Variants in AHR observed in about 807,000 individuals in gnomAD.
The protein encoded by AHR is AH-receptor.
Under a neutral mutation model 86.8 loss-of-function variants are expected in AHR, and 40 were observed. The ratio of observed to expected loss-of-function variants is 0.46; its 90% CI spans 0.36 to 0.60. The LOEUF (loss-of-function observed/expected upper bound fraction) is 0.60, where lower values mean the gene tolerates loss of function less well. Among genes scored for constraint, AHR ranks in the 20% least tolerant of loss-of-function variants. The pLI, the probability that AHR is intolerant of heterozygous loss-of-function variation, is 0.00. For synonymous variants in AHR, 398 were observed against 354.9 expected (o/e 1.12, Z -1.37); for missense variants, 1,001 against 1,011.6 (o/e 0.99, Z 0.14).
At chr7:17,326,317 T>C (rs1374915814) in intron 3 of AHR, among the ~76,000 whole-genome samples, 3 of 152,058 alleles carry the variant, frequency 2.0e-5, no homozygotes, top group African/African-American at 7.2e-5. Context: ...GTAATTGGAG[T>C]GGAAAGAGAG....
chr7:17,331,879 A>C (rs1197954071), intron 6 of AHR, among the ~76,000 whole-genome samples: 1 of 152,012 alleles, frequency 6.6e-6, no homozygotes, highest in Non-Finnish European at 1.5e-5. Context: ...CAGATAATCA[A>C]ATCTTAAATT....
At position 17,330,874 on chromosome 7, in the gene AHR, A is replaced by G; in HGVS notation, c.693A>G (p.Ser231=). 1.2e-6 allele frequency: 2 copies of G among 1,611,706 alleles called. No homozygotes were observed. Among genetic ancestry groups the G allele is most frequent in the Non-Finnish European group, 1.7e-6 (2 of 1,178,464 alleles). Residue 231 remains serine (S), a synonymous_variant, in exon 6 of 11, where the codon TCA becomes TCG. Coordinates refer to ENST00000242057, the MANE Select transcript of AHR (RefSeq NM_001621.5). ...GTCTAAGGTGTCTGCTGGATAATTCATCTGGTTTTCTGGTAAGGTACAAAA... is the reference window on the plus strand; with the variant it reads ...GTCTAAGGTGTCTGCTGGATAATTCGTCTGGTTTTCTGGTAAGGTACAAAA... The part of the protein sequence containing the change: ...ICRLRCLLDN[S]SGFLAMNFQG...
rs1290398001 is a variant in AHR, at chr7:17,339,403, T to C, written c.1578T>C (p.Gly526=). 23 of 1,614,066 alleles carry C rather than the reference T, an allele frequency of 1.4e-5. No homozygotes were observed. Among genetic ancestry groups the C allele is most frequent in the Non-Finnish European group, 1.9e-5 (23 of 1,180,016 alleles). ...AGGATGTGAACTCATTTGCTGGAGGTCACCCAGGGCTCTTTCAAGATAGTA... is the reference window on the plus strand; with the variant it reads ...AGGATGTGAACTCATTTGCTGGAGGCCACCCAGGGCTCTTTCAAGATAGTA... ...QPQDVNSFAG[G]HPGLFQDSKN... Residue 526 remains glycine (G), a synonymous_variant, in exon 10 of 11, where the codon GGT becomes GGC. Coordinates refer to ENST00000242057, the MANE Select transcript of AHR (RefSeq NM_001621.5).
In AHR at chr7:17,340,015, C is replaced by G; in HGVS notation, c.2190C>G (p.Pro730=). ...PMGSFEPSPY[P]TTSSLEDFVT... is the part of the protein sequence containing the mutation. ...GGAGTTTTGAACCATCCCCATACCCCACTACTTCTAGTTTAGAAGATTTTG... is the reference window on the plus strand; with the variant it reads ...GGAGTTTTGAACCATCCCCATACCCGACTACTTCTAGTTTAGAAGATTTTG... Residue 730 remains proline, a synonymous_variant, in exon 10 of 11, where the codon CCC becomes CCG. Transcript: ENST00000242057. The G allele has an allele frequency of 6.2e-7, 1 of 1,614,220 alleles. No homozygotes were observed. Among genetic ancestry groups the G allele is most frequent in the Non-Finnish European group, 8.5e-7 (1 of 1,180,042 alleles).
chr7:17,340,989 G>GTTTTT (rs1782417862), intron 10 of AHR, among the ~76,000 whole-genome samples: 1 of 151,844 alleles, frequency 6.6e-6, no homozygotes, highest in Non-Finnish European at 1.5e-5. Flanking sequence ...AAAAAAAAAA[G>GTTTTT]TTAACATAAT....
At chr7:17,308,924 C>T (rs1413063390) in intron 1 of AHR, among the ~76,000 whole-genome samples, 3 of 152,116 alleles carry the variant, frequency 2.0e-5, no homozygotes, top group Non-Finnish European at 4.4e-5. Flanking sequence ...TTTGAATTGT[C>T]AAAAATGTCT....
At chr7:17,326,222 A>G (rs1362423359) in intron 3 of AHR, among the ~76,000 whole-genome samples, 2 of 152,228 alleles carry the variant, frequency 1.3e-5, no homozygotes, top group Admixed American at 6.5e-5. Flanking sequence ...AAACATTTAG[A>G]AAAAGGAATA....
chr7:17,334,009 T>C lies in AHR; in HGVS notation c.803T>C (p.Ile268Thr), dbSNP rs1782328952. The change falls in exon 7 of 11, where the codon ATA (isoleucine) becomes ACA (threonine). Residue 268 changes from isoleucine (I) to threonine (T), a missense_variant. Ile to Thr is a moderately conservative substitution (Grantham distance 89). Coordinates refer to ENST00000242057, the MANE Select transcript of AHR (RefSeq NM_001621.5). Reference sequence around the variant, plus strand: ...CCACCTCAGTTGGCTTTGTTTGCGATAGCTACTCCACTTCAGCCACCATCC... The same window carrying C: ...CCACCTCAGTTGGCTTTGTTTGCGACAGCTACTCCACTTCAGCCACCATCC... Reference protein sequence around the residue: ...ILPPQLALFAIATPLQPPSIL... With the variant: ...ILPPQLALFATATPLQPPSIL... 1 of 1,613,424 alleles carries C rather than the reference T, an allele frequency of 6.2e-7. No homozygotes were observed. Among genetic ancestry groups the C allele is most frequent in the Admixed American group, 1.7e-5 (1 of 59,974 alleles).
intron 4 of AHR, among the ~76,000 whole-genome samples, chr7:17,328,247 T>G (rs1424856165): frequency 6.6e-6 from 1 of 151,966 alleles, no homozygotes; most frequent in East Asian, 1.9e-4. Context: ...TAATTCTGAT[T>G]TATTTGGATT....
At chr7:17,338,043 C>CA (rs1202736076) in intron 9 of AHR, among the ~76,000 whole-genome samples, 1 of 151,066 alleles carries the variant, frequency 6.6e-6, no homozygotes, top group Non-Finnish European at 1.5e-5. Context: ...ACTAAAAATA[C>CA]AAAAAATTAG....
intron 2 of AHR, among the ~76,000 whole-genome samples, chr7:17,318,581 C>T (rs1782139239): frequency 6.6e-6 from 1 of 152,124 alleles, no homozygotes. Flanking sequence ...TACATATCCT[C>T]ACTGATGGGG....
At chr7:17,318,651 T>G (rs878955800) in intron 2 of AHR, among the ~76,000 whole-genome samples, 1 of 152,114 alleles carries the variant, frequency 6.6e-6, no homozygotes, top group Non-Finnish European at 1.5e-5. Flanking sequence ...TGACCTATTT[T>G]CAGATACTAC....
chr7:17,306,957 G>A (rs1782012073), intron 1 of AHR, among the ~76,000 whole-genome samples: 1 of 152,122 alleles, frequency 6.6e-6, no homozygotes, highest in Non-Finnish European at 1.5e-5. Flanking sequence ...AGCTTACATA[G>A]AAATAAGGGT....
At chr7:17,312,502 A>G (rs1782076547) in intron 2 of AHR, among the ~76,000 whole-genome samples, 1 of 152,206 alleles carries the variant, frequency 6.6e-6, no homozygotes, top group Admixed American at 6.5e-5. Context: ...TTATGTGTGT[A>G]TGTGTGTTCA....
intron 10 of AHR, among the ~76,000 whole-genome samples, chr7:17,342,033 A>G (rs1055315712): frequency 2.6e-5 from 4 of 152,166 alleles, no homozygotes; most frequent in Non-Finnish European, 1.5e-5. Context: ...GATTTTTACT[A>G]TAGATTTTAT....
At chr7:17,327,172 G>A (rs1782238797) in intron 3 of AHR, among the ~76,000 whole-genome samples, 1 of 151,994 alleles carries the variant, frequency 6.6e-6, no homozygotes, top group Non-Finnish European at 1.5e-5. Flanking sequence ...ATTTAGGTAT[G>A]TGTTCATAAT....
chr7:17,321,006 A>G (rs1455767674), intron 2 of AHR, among the ~76,000 whole-genome samples: 2 of 152,144 alleles, frequency 1.3e-5, no homozygotes, highest in Non-Finnish European at 2.9e-5. Flanking sequence ...GACAGGTTTT[A>G]TATGTGGAAC....
At position 17,333,868 on chromosome 7, in the gene AHR, T is replaced by C. The variant is rs781291604; in HGVS notation, c.706-44T>C. ...CCTTTTAAAAAGGCACTATTTTATA[T>C]TGTTAATTTTAATGAACTTTTTTGT... On this transcript the variant is annotated intron_variant, in intron 6 of 10. Coordinates refer to ENST00000242057, the MANE Select transcript of AHR (RefSeq NM_001621.5). The C allele has an allele frequency of 8.6e-6, 13 of 1,519,160 alleles. No homozygotes were observed. The East Asian group carries it at 2.7e-4, about 32-fold the overall frequency. The allele number at this position is 1,519,160 out of a possible 1,614,324, so 94.1% of individuals were successfully genotyped here. A position where few individuals can be genotyped will look rare whatever the true frequency, so the allele number is the denominator to read the frequency against.
chr7:17,303,048 A>G (rs1389345927), intron 1 of AHR, among the ~76,000 whole-genome samples: 1 of 152,016 alleles, frequency 6.6e-6, no homozygotes, highest in Non-Finnish European at 1.5e-5. Flanking sequence ...TTACTTAGAA[A>G]TAAATACCAT....
Sources: gnomAD v4.1 joint callset for allele counts (sites outside exome capture counted in the v4.1 genomes callset) on GRCh38, gnomAD v4.1.1 for gene constraint, MANE v1.5 for transcripts, NCBI Gene and HGNC (gene_info 2026-07-23, HGNC 2026-07-21) for gene names.